CDH12: variants seen among roughly 807,000 people sequenced by gnomAD.
The protein encoded by CDH12 is cadherin 12, also known as cadherin-12.
Under a neutral mutation model 74.1 loss-of-function variants are expected in CDH12, and 41 were observed. That is an observed-to-expected ratio of 0.55 (90% CI 0.43 to 0.72). The LOEUF (loss-of-function observed/expected upper bound fraction) is 0.72, where lower values mean the gene tolerates loss of function less well. Among genes scored for constraint, CDH12 ranks in the 30% least tolerant of loss-of-function variants. The probability of loss-of-function intolerance (pLI) is 0.00; values close to 1 mark genes in which losing one functional copy is unlikely to be tolerated. For synonymous variants in CDH12, 399 were observed against 355.0 expected (o/e 1.12, Z -1.39); for missense variants, 945 against 977.2 (o/e 0.97, Z 0.44).
chr5:22,221,165 T>C (rs1249492784), intron 3 of CDH12, among the ~76,000 whole-genome samples: 1 of 151,968 alleles, frequency 6.6e-6, no homozygotes, highest in Non-Finnish European at 1.5e-5. Flanking sequence ...GTAGTAGAAA[T>C]AGACAAAAGG....
intron 4 of CDH12, among the ~76,000 whole-genome samples, chr5:22,149,533 CA>C (rs1460498148): frequency 6.6e-6 from 1 of 152,140 alleles, no homozygotes; most frequent in Non-Finnish European, 1.5e-5. Flanking sequence ...GCAGAATAAG[CA>C]GTGCTTTCCC....
intron 2 of CDH12, among the ~76,000 whole-genome samples, chr5:22,441,318 T>G (rs1397971647): frequency 6.6e-6 from 1 of 152,134 alleles, no homozygotes; most frequent in Non-Finnish European, 1.5e-5. Context: ...TTAAAACCAA[T>G]AGATGGACAA....
chr5:22,626,617 A>G (rs1006902443), intron 1 of CDH12, among the ~76,000 whole-genome samples: 2 of 152,208 alleles, frequency 1.3e-5, no homozygotes, highest in Non-Finnish European at 2.9e-5. Flanking sequence ...AATATCAAAG[A>G]GTAAAGGAAT....
At chr5:22,817,559 T>G (rs1749454034) in intron 1 of CDH12, among the ~76,000 whole-genome samples, 1 of 152,260 alleles carries the variant, frequency 6.6e-6, no homozygotes, top group African/African-American at 2.4e-5. Flanking sequence ...TATACACATA[T>G]TCATTTAATT....
intron 4 of CDH12, among the ~76,000 whole-genome samples, chr5:22,131,720 A>AG (rs1348573860): frequency 9.2e-5 from 14 of 152,282 alleles, no homozygotes; most frequent in African/African-American, 3.1e-4. Flanking sequence ...ACCTGAAGGA[A>AG]GTATTCTCAG....
rs573249953 is a variant in CDH12 at position 21,985,635 on chromosome 5, C to T, written c.232-10250G>A. ...TCAATATGAGTATAAGAAAATTTTGCGTGAGTTTCTTTGTCTGAAATAATT... is the reference window on the plus strand; with the variant it reads ...TCAATATGAGTATAAGAAAATTTTGTGTGAGTTTCTTTGTCTGAAATAATT... On this transcript the variant is annotated intron_variant, in intron 5 of 14. Coordinates refer to ENST00000382254, the MANE Select transcript of CDH12 (RefSeq NM_004061.5). Among the ~76,000 whole-genome samples, 184 of 152,196 alleles carry T rather than the reference C, an allele frequency of 1.2e-3. 1 individual carries two copies. Among genetic ancestry groups the T allele is most frequent in the African/African-American group, 4.1e-3 (170 of 41,542 alleles).
intron 4 of CDH12, among the ~76,000 whole-genome samples, chr5:22,079,774 G>A (rs1336977758): frequency 1.3e-5 from 2 of 151,892 alleles, no homozygotes; most frequent in Non-Finnish European, 2.9e-5. Context: ...TATTCATTGA[G>A]TGTCTATAAC....
Position 21,909,878 on chromosome 5 carries a change from C to T in CDH12, c.527-55088G>A, listed in dbSNP as rs1361519605. Among the ~76,000 whole-genome samples, 4 of 152,112 alleles carry T rather than the reference C, an allele frequency of 2.6e-5. No homozygotes were observed. In the East Asian group the frequency reaches 7.7e-4, roughly 29 times the overall value. On this transcript the variant is annotated intron_variant, in intron 6 of 14. Transcript: ENST00000382254. Reference sequence around the variant, plus strand: ...TTATAACATCATCATAGACTGAAACCTACAAACCAATATCTTAAATATCTG... The same window carrying T: ...TTATAACATCATCATAGACTGAAACTTACAAACCAATATCTTAAATATCTG...
intron 1 of CDH12, among the ~76,000 whole-genome samples, chr5:22,829,560 T>C (rs1736488786): frequency 6.6e-6 from 1 of 152,192 alleles, no homozygotes; most frequent in Non-Finnish European, 1.5e-5. Flanking sequence ...GAGGCTTGGC[T>C]TTAACTGAGG....
intron 1 of CDH12, among the ~76,000 whole-genome samples, chr5:22,831,579 G>A (rs1169023539): frequency 2.0e-5 from 3 of 151,952 alleles, no homozygotes; most frequent in Non-Finnish European, 4.4e-5. Context: ...GGAAGACTAG[G>A]CTGTCACTAA....
At chr5:22,312,684 G>T (rs1234428734) in intron 3 of CDH12, among the ~76,000 whole-genome samples, 3 of 152,104 alleles carry the variant, frequency 2.0e-5, no homozygotes, top group African/African-American at 7.2e-5. Flanking sequence ...GTAGCTTTCT[G>T]TTCCCTACCA....
intron 1 of CDH12, among the ~76,000 whole-genome samples, chr5:22,695,515 G>A (rs1219658784): frequency 2.6e-5 from 4 of 152,126 alleles, no homozygotes; most frequent in Non-Finnish European, 5.9e-5. Context: ...AAGCAATGGG[G>A]AAAGGATTCC....
chr5:22,191,775 G>A lies in CDH12; in HGVS notation c.-187+20723C>T, dbSNP rs377472729. Among the ~76,000 whole-genome samples, 6 of 151,476 alleles carry A rather than the reference G, an allele frequency of 4.0e-5. No individual in the cohort carries two copies. The East Asian group carries it at 1.2e-3, about 30-fold the overall frequency. Reference sequence around the variant, plus strand: ...GAGACGGGGTTTCACCGTTTTAGCCGGGATGGTCTCGATCTCCTGACCTCG... The same window carrying A: ...GAGACGGGGTTTCACCGTTTTAGCCAGGATGGTCTCGATCTCCTGACCTCG... On this transcript the variant is annotated intron_variant, in intron 4 of 14. Transcript: ENST00000382254.
At chr5:22,491,177 T>G (rs2126640419) in intron 2 of CDH12, among the ~76,000 whole-genome samples, 1 of 152,310 alleles carries the variant, frequency 6.6e-6, no homozygotes, top group Admixed American at 6.5e-5. Context: ...TCCCCAATGT[T>G]TATTGTTCCC....
intron 4 of CDH12, among the ~76,000 whole-genome samples, chr5:22,153,889 A>ATATGTGTATAT (rs1561168560): frequency 7.1e-4 from 30 of 42,054 alleles, no homozygotes; most frequent in South Asian, 7.1e-4. Context: ...TATATATATA[A>ATATGTGTATAT]ATATATATAT....
At chr5:22,460,715 T>A (rs1745469872) in intron 2 of CDH12, among the ~76,000 whole-genome samples, 1 of 134,620 alleles carries the variant, frequency 7.4e-6, no homozygotes, top group Non-Finnish European at 1.6e-5. Context: ...ATCTAGCAAT[T>A]TTTTTTTTTT....
chr5:22,816,602 C>T (rs1030021682), intron 1 of CDH12, among the ~76,000 whole-genome samples: 1 of 152,100 alleles, frequency 6.6e-6, no homozygotes, highest in Admixed American at 6.6e-5. Flanking sequence ...TGCTGCCCTG[C>T]AAAAGAAGAT....
chr5:21,996,360 T>C (rs898511080), intron 5 of CDH12, among the ~76,000 whole-genome samples: 2 of 152,180 alleles, frequency 1.3e-5, no homozygotes, highest in Non-Finnish European at 2.9e-5. Flanking sequence ...GAAGAAAGTA[T>C]AGATTTTAAA....
At chr5:22,204,353 G>C (rs1751101070) in intron 4 of CDH12, among the ~76,000 whole-genome samples, 1 of 152,052 alleles carries the variant, frequency 6.6e-6, no homozygotes. Flanking sequence ...GTAGAGACGG[G>C]GGTTTCACCG....
Sources: allele counts gnomAD v4.1 joint callset (sites outside exome capture counted in the v4.1 genomes callset), GRCh38; gene constraint gnomAD v4.1.1; transcripts MANE v1.5; gene names NCBI Gene and HGNC (gene_info 2026-07-23, HGNC 2026-07-21).